Variants in TBPL1 observed in about 807,000 individuals in gnomAD.
TBPL1 encodes TATA-box binding protein like 1.
In TBPL1, 4 loss-of-function variants were observed where a neutral mutation model predicts 22.1. The observed-to-expected ratio is 0.18, with a 90% CI of 0.09 to 0.41. TBPL1 has a LOEUF of 0.41. Ranked by LOEUF, TBPL1 falls within the 10% of genes least tolerant of loss-of-function variation. TBPL1 has a pLI of 1.00. For missense variants in TBPL1, 115 were observed against 222.3 expected (o/e 0.52, Z 3.07); for synonymous variants, 64 against 71.0 (o/e 0.90, Z 0.50).
rs568128234 is a variant in TBPL1 at position 133,977,927 on chromosome 6, C to G, written c.-44-2155C>G. Among the ~76,000 whole-genome samples, 3 of 152,320 alleles carry G rather than the reference C, an allele frequency of 2.0e-5. No homozygotes were observed. The East Asian group carries it at 5.8e-4, about 29-fold the overall frequency. ...AGAAAGGCAAAGGAGCCCTTGCTGG[C>G]TTAGTTGGTTGCTCTAAGTAGACTT... On this transcript the variant is annotated intron_variant, in intron 1 of 6. Coordinates refer to ENST00000237264, the MANE Select transcript of TBPL1 (RefSeq NM_004865.4).
rs191276988 is a variant in TBPL1 at position 133,986,705 on chromosome 6, T to C, written c.482-256T>C. Among the ~76,000 whole-genome samples the C allele has an allele frequency of 3.4e-4, 52 of 152,302 alleles. 2 individuals are homozygous for C. The East Asian group carries it at 9.8e-3, about 29-fold the overall frequency. On this transcript the variant is annotated intron_variant, in intron 6 of 6. Coordinates refer to ENST00000237264, the MANE Select transcript of TBPL1 (RefSeq NM_004865.4). ...TTACAGTGCTTTTTATATTAGTCCA[T>C]GATAGTTTGTATGCCCTAAAACAAA...
chr6:133,959,062 C>T (rs993567416), intron 1 of TBPL1, among the ~76,000 whole-genome samples: 1 of 151,902 alleles, frequency 6.6e-6, no homozygotes, highest in Admixed American at 6.6e-5. Context: ...TTGTTTGAGA[C>T]AGAGTCTCAC....
intron 6 of TBPL1, 148 bp downstream of exon 6, chr6:133,984,819 G>T: frequency 1.6e-6 from 1 of 627,606 alleles, no homozygotes; most frequent in Middle Eastern, 4.4e-4. Context: ...AACACTAGAT[G>T]CATTTTGCCT....
At chr6:133,985,551 G>A (rs1371530268) in intron 6 of TBPL1, among the ~76,000 whole-genome samples, 1 of 151,468 alleles carries the variant, frequency 6.6e-6, no homozygotes, top group East Asian at 1.9e-4. Flanking sequence ...CAGAAAACTA[G>A]GCATTCATGT....
rs1776604626 is a variant in TBPL1, at chr6:133,990,398, T to C, written c.*3358T>C. ...CCTTTTCTAATGTTTTACTAACAGCTACTTCTAAATAAATATGGTCCCAGG... is the reference window on the plus strand; with the variant it reads ...CCTTTTCTAATGTTTTACTAACAGCCACTTCTAAATAAATATGGTCCCAGG... On this transcript the variant is annotated 3_prime_UTR_variant, in exon 7 of 7. Transcript: ENST00000237264. 2 of 152,668 alleles carry C rather than the reference T, an allele frequency of 1.3e-5. No individual in the cohort carries two copies. The highest frequency in any genetic ancestry group is 4.8e-5 in the African/African-American group (2 of 41,462). 9.5% of individuals were successfully genotyped at this position (152,668 alleles called of 1,614,324 possible). A position where few individuals can be genotyped will look rare whatever the true frequency, so the allele number is the denominator to read the frequency against.
At chr6:133,964,036 G>A (rs965780076) in intron 1 of TBPL1, among the ~76,000 whole-genome samples, 3 of 152,016 alleles carry the variant, frequency 2.0e-5, no homozygotes, top group Admixed American at 6.6e-5. Context: ...GCAAGACTGC[G>A]TCTCAAAAAA....
chr6:133,985,422 G>T (rs764101549), intron 6 of TBPL1, among the ~76,000 whole-genome samples: 2 of 142,868 alleles, frequency 1.4e-5, no homozygotes, highest in African/African-American at 5.3e-5. Flanking sequence ...AAATTCTCAT[G>T]AGAAACTCAT....
chr6:133,974,291 A>G (rs1004702789), intron 1 of TBPL1, among the ~76,000 whole-genome samples: 4 of 152,156 alleles, frequency 2.6e-5, no homozygotes, highest in Non-Finnish European at 4.4e-5. Context: ...TGTTTCTGTT[A>G]TAAATAAAAT....
In TBPL1 at chr6:133,989,523, C is replaced by A. The variant is rs1776590114; in HGVS notation, c.*2483C>A. On this transcript the variant is annotated 3_prime_UTR_variant, in exon 7 of 7. Transcript: ENST00000237264. ...GGAAGGAAACATGGGGCAGAACACA[C>A]TTCCCTTCTCTTTCCAAAAACAAAA... 1 of 152,130 alleles carries A rather than the reference C, an allele frequency of 6.6e-6. No homozygotes were observed. Among genetic ancestry groups the A allele is most frequent in the Admixed American group, 6.5e-5 (1 of 15,270 alleles). The allele number at this position is 152,130 out of a possible 1,614,324, so 9.4% of individuals were successfully genotyped here.
rs78641423 is a variant in TBPL1 at position 133,969,795 on chromosome 6, C to T, written c.-44-10287C>T. Among the ~76,000 whole-genome samples, 310 of 152,242 alleles carry T rather than the reference C, an allele frequency of 2.0e-3. 2 individuals are homozygous for T. Among genetic ancestry groups the T allele is most frequent in the Non-Finnish European group, 4.0e-3 (270 of 68,010 alleles). On this transcript the variant is annotated intron_variant, in intron 1 of 6. Transcript: ENST00000237264. The stretch of plus-strand genomic sequence containing the variant: ...TCTCCCATTACTGCCCCTTTGAACA[C>T]AAATGCATGCTGAAGGGGAAGTGGT...
rs144717783 is a variant in TBPL1, at chr6:133,958,426, T to A, written c.-45+5001T>A. ...TTGTAATTTTAGAAGTAGCTAAAAT[T>A]GCTGCTCTGCCCCAGTAATTCAGGT... On this transcript the variant is annotated intron_variant, in intron 1 of 6. Transcript: ENST00000237264. Among the ~76,000 whole-genome samples, 765 of 152,342 alleles carry A rather than the reference T, an allele frequency of 5.0e-3. 7 individuals are homozygous for A. Among genetic ancestry groups the A allele is most frequent in the African/African-American group, 0.018 (756 of 41,564 alleles).
In TBPL1 at chr6:133,980,096, G is replaced by T; in HGVS notation, c.-30G>T. 6.9e-7 allele frequency: 1 copy of T among 1,459,730 alleles called. No homozygotes were observed. Among genetic ancestry groups the T allele is most frequent in the Non-Finnish European group, 9.1e-7 (1 of 1,100,794 alleles). The allele number at this position is 1,459,730 out of a possible 1,614,324, so 90.4% of individuals were successfully genotyped here. On this transcript the variant is annotated 5_prime_UTR_variant, in exon 2 of 7. Transcript: ENST00000237264. Reference sequence around the variant, plus strand: ...TTATTTCTCAGGATGTGATCTTCGTGGTGGAAAGCTAAATTTTAAAACCAC... The same window carrying T: ...TTATTTCTCAGGATGTGATCTTCGTTGTGGAAAGCTAAATTTTAAAACCAC...
chr6:133,990,106 G>A lies in TBPL1; in HGVS notation c.*3066G>A, dbSNP rs1776600223. On this transcript the variant is annotated 3_prime_UTR_variant, in exon 7 of 7. Transcript: ENST00000237264. ...TGAAACCCACGTTGCTGGTACAGGT[G>A]GCCATCATAGAAAAGAACATGAGGG... is the stretch of plus-strand genomic sequence containing the variant. 1 of 152,632 alleles carries A rather than the reference G, an allele frequency of 6.6e-6. No homozygotes were observed. The highest frequency in any genetic ancestry group is 6.5e-5 in the Admixed American group (1 of 15,280). The allele number at this position is 152,632 out of a possible 1,614,324, so 9.5% of individuals were successfully genotyped here.
At chr6:133,966,078 C>G (rs992604731) in intron 1 of TBPL1, among the ~76,000 whole-genome samples, 2 of 151,976 alleles carry the variant, frequency 1.3e-5, no homozygotes, top group Non-Finnish European at 2.9e-5. Context: ...CAGAGAGAGA[C>G]AGAAAGAAAC....
chr6:133,973,041 A>G (rs909237079), intron 1 of TBPL1, among the ~76,000 whole-genome samples: 3 of 152,216 alleles, frequency 2.0e-5, no homozygotes, highest in East Asian at 1.9e-4. Context: ...ACGAAAGAAC[A>G]TCGTTCTAAA....
rs200249148 is a variant in TBPL1 at position 133,987,648 on chromosome 6, G to GTGTATATATATATATATATATA, written c.*609_*610insGTATATATATATATATATATAT. On this transcript the variant is annotated 3_prime_UTR_variant, in exon 7 of 7. Coordinates refer to ENST00000237264, the MANE Select transcript of TBPL1 (RefSeq NM_004865.4). ...TTTGTGTGTGTGTGTGTGTGTGTGT[G>GTGTATATATATATATATATATA]TATATATATATATATATATGCACCA... 7.8e-4 allele frequency: 69 copies of GTGTATATATATATATATATATA among 88,354 alleles called. 1 individual carries two copies. The highest frequency in any genetic ancestry group is 2.1e-3 in the African/African-American group (58 of 27,544). 5.5% of individuals were successfully genotyped at this position (88,354 alleles called of 1,614,324 possible).
intron 6 of TBPL1, among the ~76,000 whole-genome samples, chr6:133,985,054 C>T (rs532773696): frequency 1.3e-5 from 2 of 151,508 alleles, no homozygotes; most frequent in South Asian, 4.2e-4. Flanking sequence ...CTGAGGCGGG[C>T]TTATCACAAG....
intron 4 of TBPL1, 52 bp downstream of exon 4, chr6:133,982,932 A>G: frequency 6.6e-7 from 1 of 1,507,714 alleles, no homozygotes; most frequent in Non-Finnish European, 9.0e-7. Flanking sequence ...ACTTATTTTT[A>G]TAGAATTAAA....
chr6:133,967,841 T>A (rs1361145741), intron 1 of TBPL1, among the ~76,000 whole-genome samples: 1 of 152,158 alleles, frequency 6.6e-6, no homozygotes, highest in Non-Finnish European at 1.5e-5. Flanking sequence ...TATCTCAGGT[T>A]GTCCAAGATT....
Sources: gnomAD v4.1 joint callset for allele counts (sites outside exome capture counted in the v4.1 genomes callset) on GRCh38, gnomAD v4.1.1 for gene constraint, MANE v1.5 for transcripts, NCBI Gene and HGNC (gene_info 2026-07-23, HGNC 2026-07-21) for gene names.